Variants in EPB41L2 observed in about 807,000 individuals in gnomAD.
EPB41L2 encodes erythrocyte membrane protein band 4.1 like 2.
EPB41L2 carries 43 observed loss-of-function variants against 113.0 expected under a neutral mutation model. The ratio of observed to expected loss-of-function variants is 0.38; its 90% CI spans 0.30 to 0.49. The LOEUF (loss-of-function observed/expected upper bound fraction) is 0.49. Among genes scored for constraint, EPB41L2 ranks in the 20% least tolerant of loss-of-function variants. EPB41L2 has a pLI of 0.95. For missense variants in EPB41L2, 1,147 were observed against 1,223.4 expected (o/e 0.94, Z 0.93); for synonymous variants, 442 against 436.7 (o/e 1.01, Z -0.15).
chr6:130,859,964 C>T (rs1238468305), intron 18 of EPB41L2, among the ~76,000 whole-genome samples: 2 of 152,024 alleles, frequency 1.3e-5, no homozygotes, highest in African/African-American at 4.8e-5. Context: ...GGAGGGCTAG[C>T]GTGGAGCAGG....
At chr6:130,938,246 C>A (rs1212927212) in intron 3 of EPB41L2, among the ~76,000 whole-genome samples, 1 of 152,106 alleles carries the variant, frequency 6.6e-6, no homozygotes, top group Non-Finnish European at 1.5e-5. Context: ...GGGAAAAATC[C>A]ACTTCATTTT....
intron 1 of EPB41L2, among the ~76,000 whole-genome samples, chr6:131,026,058 T>C (rs1334732922): frequency 6.6e-6 from 1 of 152,166 alleles, no homozygotes; most frequent in African/African-American, 2.4e-5. Flanking sequence ...TTTGTAAATC[T>C]GAAGAGTGGC....
At chr6:130,851,347 C>T (rs1279367166) in intron 19 of EPB41L2, among the ~76,000 whole-genome samples, 1 of 152,188 alleles carries the variant, frequency 6.6e-6, no homozygotes, top group African/African-American at 2.4e-5. Flanking sequence ...CTGCACATCA[C>T]CCTGACTTTG....
At chr6:130,993,123 G>A (rs1782272745) in intron 1 of EPB41L2, among the ~76,000 whole-genome samples, 1 of 152,128 alleles carries the variant, frequency 6.6e-6, no homozygotes, top group Non-Finnish European at 1.5e-5. Flanking sequence ...TAAGCATAAT[G>A]AATTTAATTG....
intron 8 of EPB41L2, among the ~76,000 whole-genome samples, chr6:130,895,483 GGC>G (rs1794377969): frequency 6.6e-6 from 1 of 152,172 alleles, no homozygotes; most frequent in Non-Finnish European, 1.5e-5. Flanking sequence ...TTTTCCCGTA[GGC>G]TAGTCCAGCC....
intron 1 of EPB41L2, among the ~76,000 whole-genome samples, chr6:130,983,505 T>A (rs1779836914): frequency 6.6e-6 from 1 of 151,542 alleles, no homozygotes; most frequent in African/African-American, 2.4e-5. Flanking sequence ...TATACACTTG[T>A]ACACTACTAT....
Position 131,063,137 on chromosome 6 carries a change from C to A in EPB41L2, c.-15+18G>T, listed in dbSNP as rs768029451. 1.6e-4 allele frequency: 25 copies of A among 153,206 alleles called. No individual in the cohort carries two copies. The highest frequency in any genetic ancestry group is 3.5e-4 in the Non-Finnish European group (24 of 68,856). 9.5% of individuals were successfully genotyped at this position (153,206 alleles called of 1,614,324 possible). A position where few individuals can be genotyped will look rare whatever the true frequency, so the allele number is the denominator to read the frequency against. On this transcript the variant is annotated intron_variant, in intron 1 of 19. Coordinates refer to ENST00000337057, the MANE Select transcript of EPB41L2 (RefSeq NM_001431.4). ...CGGCCCGTGCAGCCCCGCACGCCTC[C>A]TTACCCCGACGCCGTACCTCAGGAG...
intron 1 of EPB41L2, among the ~76,000 whole-genome samples, chr6:131,032,538 C>A (rs1385312216): frequency 1.3e-5 from 2 of 152,050 alleles, no homozygotes; most frequent in Non-Finnish European, 2.9e-5. Context: ...GCAGAGTGAC[C>A]ATCATCCCAG....
Position 130,919,949 on chromosome 6 carries a change from T to C in EPB41L2, c.810+6656A>G, listed in dbSNP as rs114025567. On this transcript the variant is annotated intron_variant, in intron 4 of 19. Coordinates refer to ENST00000337057, the MANE Select transcript of EPB41L2 (RefSeq NM_001431.4). ...GCTTTTACCCTCTATTTCACAGAGATTGGAGACTACAATTTGCTCAACTAA... is the reference window on the plus strand; with the variant it reads ...GCTTTTACCCTCTATTTCACAGAGACTGGAGACTACAATTTGCTCAACTAA... Among the ~76,000 whole-genome samples the C allele has an allele frequency of 1.5e-3, 224 of 152,342 alleles. 2 individuals are homozygous for C. Among genetic ancestry groups the C allele is most frequent in the African/African-American group, 5.0e-3 (206 of 41,588 alleles).
At chr6:130,873,641 T>A (rs1369610368) in intron 14 of EPB41L2, among the ~76,000 whole-genome samples, 2 of 152,282 alleles carry the variant, frequency 1.3e-5, no homozygotes, top group East Asian at 1.9e-4. Flanking sequence ...AATTTTTATA[T>A]TTTTAGTAGA....
At chr6:131,042,149 T>C (rs1212498102) in intron 1 of EPB41L2, among the ~76,000 whole-genome samples, 1 of 152,176 alleles carries the variant, frequency 6.6e-6, no homozygotes, top group African/African-American at 2.4e-5. Context: ...TATGTTTGCA[T>C]ACACCTCCAT....
chr6:130,870,897 C>T (rs1442081206), intron 14 of EPB41L2, among the ~76,000 whole-genome samples: 1 of 151,678 alleles, frequency 6.6e-6, no homozygotes, highest in Non-Finnish European at 1.5e-5. Context: ...ATGTTCATTC[C>T]AGAAATGGTT....
intron 1 of EPB41L2, among the ~76,000 whole-genome samples, chr6:130,979,369 C>T (rs1778856765): frequency 6.6e-6 from 1 of 151,814 alleles, no homozygotes; most frequent in South Asian, 2.1e-4. Flanking sequence ...GTGGCACACG[C>T]CTGTAATCCC....
chr6:130,842,376 G>A (rs964225259), intron 19 of EPB41L2, among the ~76,000 whole-genome samples: 1 of 152,088 alleles, frequency 6.6e-6, no homozygotes, highest in African/African-American at 2.4e-5. Context: ...ATGATGAAGG[G>A]AAATGGATAC....
At position 130,970,846 on chromosome 6, in the gene EPB41L2, A is replaced by C. The variant is rs138202530; in HGVS notation, c.-14-14347T>G. 3.8e-4 allele frequency among the ~76,000 whole-genome samples: 58 copies of C among 152,222 alleles called. No individual in the cohort carries two copies. The East Asian group carries it at 0.01, about 27-fold the overall frequency. ...CAATTGGAATGTGTTTCTTCTGTTC[A>C]TGTCTTCCACCCACAAATTTAATGC... is the stretch of plus-strand genomic sequence containing the variant. On this transcript the variant is annotated intron_variant, in intron 1 of 19. Transcript: ENST00000337057.
intron 11 of EPB41L2, among the ~76,000 whole-genome samples, chr6:130,887,635 G>C (rs762424968): frequency 6.6e-5 from 10 of 152,128 alleles, no homozygotes; most frequent in Non-Finnish European, 1.0e-4. Flanking sequence ...TCACCTTATA[G>C]CTTCATCGTT....
intron 17 of EPB41L2, among the ~76,000 whole-genome samples, chr6:130,864,116 G>A (rs1273842093): frequency 6.6e-6 from 1 of 152,158 alleles, no homozygotes; most frequent in Non-Finnish European, 1.5e-5. Context: ...AAAAAGGAGA[G>A]TAGGGAGAAA....
intron 18 of EPB41L2, among the ~76,000 whole-genome samples, chr6:130,862,345 A>C (rs1782397541): frequency 1.3e-5 from 2 of 152,204 alleles, no homozygotes; most frequent in Admixed American, 6.5e-5. Context: ...CCTAGTTTGC[A>C]CTTTCCACCA....
At chr6:131,047,160 A>G (rs1379285602) in intron 1 of EPB41L2, among the ~76,000 whole-genome samples, 1 of 152,138 alleles carries the variant, frequency 6.6e-6, no homozygotes, top group Non-Finnish European at 1.5e-5. Context: ...AGAATTAAAT[A>G]AATAAATAAA....
Sources: allele counts gnomAD v4.1 joint callset (sites outside exome capture counted in the v4.1 genomes callset), GRCh38; gene constraint gnomAD v4.1.1; transcripts MANE v1.5; gene names NCBI Gene and HGNC (gene_info 2026-07-23, HGNC 2026-07-21).